The following PHACTR1 variants were observed in gnomAD, a reference collection of about 807,000 sequenced individuals.
PHACTR1 encodes RPEL repeat containing 1.
PHACTR1 carries 16 observed loss-of-function variants against 69.2 expected under a neutral mutation model. The ratio of observed to expected loss-of-function variants is 0.23; its 90% CI spans 0.16 to 0.35. The LOEUF is 0.35. PHACTR1 is among the 10% of genes least tolerant of loss of function. PHACTR1 has a pLI of 1.00. For missense variants in PHACTR1, 510 were observed against 734.7 expected (o/e 0.69, Z 3.54); for synonymous variants, 312 against 284.5 (o/e 1.10, Z -0.97).
At chr6:13,208,335 C>A (rs1334935624) in intron 8 of PHACTR1, among the ~76,000 whole-genome samples, 1 of 152,210 alleles carries the variant, frequency 6.6e-6, no homozygotes, top group Non-Finnish European at 1.5e-5. Flanking sequence ...GATACTCTTA[C>A]AGCAATATGA....
At chr6:13,133,893 T>C (rs1346491513) in intron 5 of PHACTR1, among the ~76,000 whole-genome samples, 2 of 135,514 alleles carry the variant, frequency 1.5e-5, no homozygotes, top group South Asian at 2.4e-4. Flanking sequence ...AAGTGAGGAG[T>C]GTCTCTGCCC....
chr6:13,034,781 A>G (rs1803051491), intron 4 of PHACTR1, among the ~76,000 whole-genome samples: 1 of 152,232 alleles, frequency 6.6e-6, no homozygotes, highest in South Asian at 2.1e-4. Flanking sequence ...ACTAATTTTT[A>G]TAAGTATCAA....
chr6:12,848,766 C>T (rs959756452), intron 4 of PHACTR1, among the ~76,000 whole-genome samples: 1 of 152,160 alleles, frequency 6.6e-6, no homozygotes, highest in Non-Finnish European at 1.5e-5. Context: ...TGTCAGAGAA[C>T]ACTAAATGAA....
intron 4 of PHACTR1, among the ~76,000 whole-genome samples, chr6:12,830,043 AGAAAGAAG>A: frequency 6.8e-6 from 1 of 146,848 alleles, no homozygotes; most frequent in Admixed American, 6.8e-5. Flanking sequence ...AGGAAAGAAA[AGAAAGAAG>A]GAAGGAAGGA....
At chr6:13,060,824 A>G (rs958493633) in intron 5 of PHACTR1, among the ~76,000 whole-genome samples, 2 of 152,272 alleles carry the variant, frequency 1.3e-5, no homozygotes. Flanking sequence ...TACAGCTCAT[A>G]GTTGGGTCCA....
chr6:12,737,158 C>T (rs1002759927), intron 3 of PHACTR1, among the ~76,000 whole-genome samples: 5 of 152,206 alleles, frequency 3.3e-5, no homozygotes, highest in Middle Eastern at 3.4e-3. Flanking sequence ...ATATAGACTA[C>T]TACACACCTA....
intron 4 of PHACTR1, among the ~76,000 whole-genome samples, chr6:12,782,456 A>C (rs528904446): frequency 6.6e-6 from 1 of 152,162 alleles, no homozygotes; most frequent in African/African-American, 2.4e-5. Context: ...ATCAGCTTGC[A>C]TTTCTCATGT....
intron 10 of PHACTR1, among the ~76,000 whole-genome samples, chr6:13,252,061 A>AGAAAG (rs1774493550): frequency 6.7e-6 from 1 of 149,298 alleles, no homozygotes; most frequent in African/African-American, 2.5e-5. Context: ...CCTTAAAAAA[A>AGAAAG]AAAAAAAGAA....
intron 5 of PHACTR1, among the ~76,000 whole-genome samples, chr6:13,093,074 G>A (rs1221784319): frequency 2.0e-5 from 3 of 152,192 alleles, no homozygotes. Context: ...TTCAGGGTCA[G>A]TCCAAGCGTG....
chr6:12,992,838 A>G (rs575452953), intron 4 of PHACTR1, among the ~76,000 whole-genome samples: 1 of 152,330 alleles, frequency 6.6e-6, no homozygotes, highest in East Asian at 1.9e-4. Flanking sequence ...GAGCTTGAGA[A>G]GGCAGCTTCT....
At chr6:12,973,794 A>G (rs1212019456) in intron 4 of PHACTR1, among the ~76,000 whole-genome samples, 2 of 151,754 alleles carry the variant, frequency 1.3e-5, no homozygotes, top group Non-Finnish European at 1.5e-5. Context: ...AAAGGAGCTT[A>G]TTGATTGTTA....
At chr6:13,214,978 A>G (rs1235026926) in intron 8 of PHACTR1, among the ~76,000 whole-genome samples, 1 of 152,214 alleles carries the variant, frequency 6.6e-6, no homozygotes, top group Non-Finnish European at 1.5e-5. Flanking sequence ...TTTCTAATAA[A>G]TTCATTCTTT....
At chr6:13,224,493 C>T (rs1044586365) in intron 8 of PHACTR1, among the ~76,000 whole-genome samples, 3 of 152,082 alleles carry the variant, frequency 2.0e-5, no homozygotes, top group Admixed American at 1.3e-4. Flanking sequence ...GTGGCAGGCA[C>T]GTGACATTAT....
chr6:12,718,820 A>C lies in PHACTR1; in HGVS notation c.76A>C (p.Arg26=). ...HRLLDVESAQ[R]FFYSQGAQAR... is the part of the protein sequence containing the mutation. ...ACTCTTGGATGTTGAGTCAGCTCAA[A>C]GATTCTTCTACAGTCAAGGAGCTCA... Residue 26 remains arginine (R), a synonymous_variant, in exon 3 of 15, where the codon AGA becomes CGA. Transcript: ENST00000332995. 6.4e-7 allele frequency: 1 copy of C among 1,571,060 alleles called. No homozygotes were observed. The highest frequency in any genetic ancestry group is 1.2e-5 in the South Asian group (1 of 85,080).
At chr6:12,885,323 C>T (rs1405799825) in intron 4 of PHACTR1, among the ~76,000 whole-genome samples, 1 of 152,212 alleles carries the variant, frequency 6.6e-6, no homozygotes, top group Non-Finnish European at 1.5e-5. Flanking sequence ...TGTCCACATC[C>T]CTTGCAGGCT....
At position 13,287,246 on chromosome 6, in the gene PHACTR1, AC is replaced by A; in HGVS notation, c.*169del. The A allele has an allele frequency of 1.3e-6, 1 of 742,400 alleles. No homozygotes were observed. The highest frequency in any genetic ancestry group is 2.1e-6 in the Non-Finnish European group (1 of 468,444). 46.0% of individuals were successfully genotyped at this position (742,400 alleles called of 1,614,324 possible). ...CACAATCAGGATTTTATGTGTGAAAACGCAAAAGTGATGGCTCGGCGGTCCG... is the reference window on the plus strand; with the variant it reads ...CACAATCAGGATTTTATGTGTGAAAAGCAAAAGTGATGGCTCGGCGGTCCG... On this transcript the variant is annotated 3_prime_UTR_variant, in exon 15 of 15. Coordinates refer to ENST00000332995, the MANE Select transcript of PHACTR1 (RefSeq NM_030948.6).
chr6:12,843,986 G>T (rs1778948064), intron 4 of PHACTR1, among the ~76,000 whole-genome samples: 1 of 152,198 alleles, frequency 6.6e-6, no homozygotes, highest in Admixed American at 6.5e-5. Flanking sequence ...CTTGCTACGT[G>T]ACCTTGAGCA....
At chr6:13,219,316 C>T (rs1024121267) in intron 8 of PHACTR1, among the ~76,000 whole-genome samples, 1 of 152,158 alleles carries the variant, frequency 6.6e-6, no homozygotes, top group African/African-American at 2.4e-5. Flanking sequence ...AAACAAAGTC[C>T]TCATCCTTGT....
intron 4 of PHACTR1, among the ~76,000 whole-genome samples, chr6:12,755,034 C>CGAAATATTTATG: frequency 6.6e-6 from 1 of 152,300 alleles, no homozygotes; most frequent in Non-Finnish European, 1.5e-5. Flanking sequence ...ATGGGAAGCA[C>CGAAATATTTATG]TTTCCCATAA....
Sources: allele counts gnomAD v4.1 joint callset (sites outside exome capture counted in the v4.1 genomes callset), GRCh38; gene constraint gnomAD v4.1.1; transcripts MANE v1.5; gene names NCBI Gene and HGNC (gene_info 2026-07-23, HGNC 2026-07-21).